Variants in UBE2R2 observed in about 807,000 individuals in gnomAD.
The protein encoded by UBE2R2 is ubiquitin conjugating enzyme E2 R2.
UBE2R2 carries 1 observed loss-of-function variant against 27.8 expected under a neutral mutation model. That is an observed-to-expected ratio of 0.04 (90% CI 0.01 to 0.17). The LOEUF (loss-of-function observed/expected upper bound fraction) is 0.17. Among genes scored for constraint, UBE2R2 ranks in the 10% least tolerant of loss-of-function variants. The pLI is 1.00. For missense variants in UBE2R2, 100 were observed against 291.0 expected (o/e 0.34, Z 4.78); for synonymous variants, 106 against 113.3 (o/e 0.94, Z 0.41).
chr9:33,864,020 A>AC (rs1318224555), intron 1 of UBE2R2, among the ~76,000 whole-genome samples: 2 of 151,966 alleles, frequency 1.3e-5, no homozygotes, highest in Admixed American at 1.3e-4. Flanking sequence ...ATGGGGTTTC[A>AC]CCATGTTGGC....
At chr9:33,847,245 C>T (rs1351370280) in intron 1 of UBE2R2, among the ~76,000 whole-genome samples, 2 of 151,598 alleles carry the variant, frequency 1.3e-5, no homozygotes, top group South Asian at 2.1e-4. Flanking sequence ...TACAGGCATG[C>T]GCCACCATGC....
chr9:33,830,158 ATTTT>A (rs34007720), intron 1 of UBE2R2, among the ~76,000 whole-genome samples: 3 of 135,370 alleles, frequency 2.2e-5, no homozygotes, highest in Non-Finnish European at 4.7e-5. Context: ...AAGTTTCATA[ATTTT>A]TTTTTTTTTT....
intron 1 of UBE2R2, among the ~76,000 whole-genome samples, chr9:33,878,217 G>C (rs927123056): frequency 1.3e-5 from 2 of 152,134 alleles, no homozygotes; most frequent in Non-Finnish European, 2.9e-5. Flanking sequence ...TGAGCAATAC[G>C]CAGCGGCTCA....
intron 1 of UBE2R2, among the ~76,000 whole-genome samples, chr9:33,884,268 C>G (rs1821806156): frequency 7.3e-6 from 1 of 136,460 alleles, no homozygotes; most frequent in African/African-American, 2.7e-5. Flanking sequence ...CCCCCAACCC[C>G]TTTATTTTTT....
At chr9:33,857,691 G>A (rs1467260921) in intron 1 of UBE2R2, among the ~76,000 whole-genome samples, 1 of 152,164 alleles carries the variant, frequency 6.6e-6, no homozygotes, top group African/African-American at 2.4e-5. Flanking sequence ...GTTATCTGTA[G>A]GTTAATAACG....
In UBE2R2 at chr9:33,913,244, C is replaced by G. The variant is rs148513822; in HGVS notation, c.497+1146C>G. ...AAAGTGCTGGAATTACAGGCGTGAG[C>G]CACTGCACTCAGCCTCCTCCACCTC... On this transcript the variant is annotated intron_variant, in intron 4 of 4. Coordinates refer to ENST00000263228, the MANE Select transcript of UBE2R2 (RefSeq NM_017811.4). Among the ~76,000 whole-genome samples, 81 of 152,296 alleles carry G rather than the reference C, an allele frequency of 5.3e-4. 1 individual carries two copies. The East Asian group carries it at 0.016, about 29-fold the overall frequency.
intron 1 of UBE2R2, among the ~76,000 whole-genome samples, chr9:33,829,792 CGTTT>C (rs1820405142): frequency 2.5e-5 from 3 of 119,328 alleles, no homozygotes; most frequent in Non-Finnish European, 3.4e-5. Context: ...TTAGTGCAAT[CGTTT>C]TTTTTTTTTT....
At chr9:33,869,422 G>GTTTT (rs869130223) in intron 1 of UBE2R2, among the ~76,000 whole-genome samples, 6 of 130,840 alleles carry the variant, frequency 4.6e-5, no homozygotes, top group Non-Finnish European at 8.2e-5. Flanking sequence ...CATATACAAT[G>GTTTT]TTTTATTTAT....
chr9:33,847,898 T>C, intron 1 of UBE2R2, among the ~76,000 whole-genome samples: 1 of 151,960 alleles, frequency 6.6e-6, no homozygotes, highest in Non-Finnish European at 1.5e-5. Context: ...ATTACAGGCA[T>C]GTGCCACCAC....
At chr9:33,905,062 A>G (rs1185829325) in intron 3 of UBE2R2, among the ~76,000 whole-genome samples, 2 of 152,206 alleles carry the variant, frequency 1.3e-5, no homozygotes, top group African/African-American at 4.8e-5. Context: ...TAGAGTTCAC[A>G]GCTGCTTTCT....
chr9:33,820,273 C>G (rs1436375299), intron 1 of UBE2R2, among the ~76,000 whole-genome samples: 1 of 152,192 alleles, frequency 6.6e-6, no homozygotes. Flanking sequence ...TGCTTCTGAA[C>G]TTCAGTCCTT....
rs1457965731 is a variant in UBE2R2 at position 33,817,203 on chromosome 9, C to A, written c.-555C>A. Among the ~76,000 whole-genome samples the A allele has an allele frequency of 6.7e-6, 1 of 149,506 alleles. No individual in the cohort carries two copies. Among genetic ancestry groups the A allele is most frequent in the African/African-American group, 2.5e-5 (1 of 40,666 alleles). ...TCCCGCGGCGCGAGGCGCTCTCGCT[C>A]TCCTCCTCCTCCGCCGTCGCCCCTC... On this transcript the variant is annotated 5_prime_UTR_variant, in exon 1 of 5. Transcript: ENST00000263228.
At chr9:33,824,079 C>T (rs1275089462) in intron 1 of UBE2R2, among the ~76,000 whole-genome samples, 1 of 152,154 alleles carries the variant, frequency 6.6e-6, no homozygotes, top group Non-Finnish European at 1.5e-5. Flanking sequence ...TTTGTTGTTT[C>T]TCAGAACATT....
At chr9:33,832,029 C>T (rs1040360854) in intron 1 of UBE2R2, among the ~76,000 whole-genome samples, 3 of 151,688 alleles carry the variant, frequency 2.0e-5, no homozygotes, top group Non-Finnish European at 4.4e-5. Flanking sequence ...ATTATTTAGG[C>T]CGGGTGCAGT....
intron 1 of UBE2R2, among the ~76,000 whole-genome samples, chr9:33,874,011 G>A (rs1308418827): frequency 6.7e-6 from 1 of 150,072 alleles, no homozygotes; most frequent in Non-Finnish European, 1.5e-5. Context: ...GCAGTGGCAC[G>A]ATCTCCGCTC....
chr9:33,861,043 C>T (rs1821223079), intron 1 of UBE2R2, among the ~76,000 whole-genome samples: 1 of 151,306 alleles, frequency 6.6e-6, no homozygotes, highest in Non-Finnish European at 1.5e-5. Flanking sequence ...ACTGCAAGCT[C>T]CGCCTCCTGG....
At chr9:33,860,369 A>T (rs1447896670) in intron 1 of UBE2R2, among the ~76,000 whole-genome samples, 2 of 151,854 alleles carry the variant, frequency 1.3e-5, no homozygotes, top group Non-Finnish European at 2.9e-5. Context: ...TTTGGAAGAG[A>T]CTCCAGCATC....
chr9:33,866,051 C>T (rs903430304), intron 1 of UBE2R2, among the ~76,000 whole-genome samples: 7 of 151,658 alleles, frequency 4.6e-5, no homozygotes, highest in African/African-American at 7.3e-5. Flanking sequence ...AGGCTAGTCT[C>T]GAACTCCTGA....
chr9:33,816,714 A>C (rs773274396), upstream of UBE2R2, among the ~76,000 whole-genome samples: 1 of 152,196 alleles, frequency 6.6e-6, no homozygotes, highest in Non-Finnish European at 1.5e-5. Context: ...GGGACCGCAG[A>C]CTGGGTGTCA....
Sources: allele counts gnomAD v4.1 joint callset (sites outside exome capture counted in the v4.1 genomes callset), GRCh38; gene constraint gnomAD v4.1.1; transcripts MANE v1.5; gene names NCBI Gene and HGNC (gene_info 2026-07-23, HGNC 2026-07-21).